UNC13C: variants seen among roughly 807,000 people sequenced by gnomAD.
UNC13C encodes the protein unc-13 homolog C, also known as protein unc-13 homolog C.
UNC13C carries 174 observed loss-of-function variants against 245.4 expected under a neutral mutation model. The ratio of observed to expected loss-of-function variants is 0.71; its 90% CI spans 0.63 to 0.80. UNC13C has a LOEUF of 0.80. Ranked by LOEUF, UNC13C falls within the 30% of genes least tolerant of loss-of-function variation. The pLI is 0.00. For missense variants in UNC13C, 2,829 were observed against 2,602.9 expected (o/e 1.09, Z -1.89); for synonymous variants, 992 against 895.1 (o/e 1.11, Z -1.93).
intron 1 of UNC13C, among the ~76,000 whole-genome samples, chr15:53,985,701 G>A (rs1894109392): frequency 6.6e-6 from 1 of 152,042 alleles, no homozygotes; most frequent in South Asian, 2.1e-4. Flanking sequence ...ATTTTTATTA[G>A]TAGGGGAGCT....
intron 19 of UNC13C, among the ~76,000 whole-genome samples, chr15:54,480,304 TTTTCTATTCCATTGGC>T (rs1325053733): frequency 2.0e-5 from 3 of 151,482 alleles, no homozygotes. Context: ...TATAAAATGG[TTTTCTATTCCATTGGC>T]TTTCTTCTCA....
At chr15:54,525,713 T>A in intron 25 of UNC13C, 76 bp downstream of exon 25, 1 of 1,227,988 alleles carries the variant, frequency 8.1e-7, no homozygotes, top group Non-Finnish European at 1.2e-6. Context: ...TTCAATGCTG[T>A]TTCCTCTGAC....
At chr15:53,848,230 C>T in the UNC13C span, among the ~76,000 whole-genome samples, 1 of 151,638 alleles carries the variant, frequency 6.6e-6, no homozygotes, top group Admixed American at 6.6e-5. Flanking sequence ...TTATATTTTT[C>T]TTTCTATTTG....
chr15:54,139,998 T>C (rs887170119), intron 2 of UNC13C, among the ~76,000 whole-genome samples: 1 of 152,148 alleles, frequency 6.6e-6, no homozygotes, highest in Admixed American at 6.5e-5. Context: ...TTCTTGAGTA[T>C]AAGGGTTTCT....
Position 54,014,710 on chromosome 15 carries a change from G to C in UNC13C, c.1807G>C (p.Asp603His). 6.2e-7 allele frequency: 1 copy of C among 1,613,806 alleles called. No individual in the cohort carries two copies. The highest frequency in any genetic ancestry group is 8.5e-7 in the Non-Finnish European group (1 of 1,179,840). ...AGCGACCCTGTATGACAGTCCCAAGGACCAGCATTTGAATGGAGGTGTTCA... is the reference window on the plus strand; with the variant it reads ...AGCGACCCTGTATGACAGTCCCAAGCACCAGCATTTGAATGGAGGTGTTCA... ...GTATLYDSPK[D>H]QHLNGGVQGI... is the part of the protein sequence containing the mutation. The change falls in exon 2 of 33, where the codon GAC becomes CAC. Residue 603 changes from aspartate (D) to histidine (H), a missense_variant. Asp to His is a moderately conservative substitution (Grantham distance 81). Transcript: ENST00000260323.
intron 17 of UNC13C, among the ~76,000 whole-genome samples, chr15:54,339,143 T>G (rs11638939): frequency 6.6e-6 from 1 of 152,048 alleles, no homozygotes; most frequent in African/African-American, 2.4e-5. Context: ...GCTGGGATTA[T>G]AGGCATGAGC....
At chr15:53,927,501 G>A in the UNC13C span, among the ~76,000 whole-genome samples, 1 of 152,166 alleles carries the variant, frequency 6.6e-6, no homozygotes, top group African/African-American at 2.4e-5. Flanking sequence ...GGGAGAAGGA[G>A]CTAAACATCT....
intron 4 of UNC13C, among the ~76,000 whole-genome samples, chr15:54,214,068 C>T (rs964773822): frequency 5.3e-5 from 8 of 151,802 alleles, no homozygotes; most frequent in Non-Finnish European, 1.2e-4. Flanking sequence ...GGAATCCCTC[C>T]AATACCCATT....
chr15:53,863,192 C>A, the UNC13C span, among the ~76,000 whole-genome samples: 2 of 152,278 alleles, frequency 1.3e-5, no homozygotes, highest in East Asian at 3.9e-4. Context: ...AGGTCCCAAG[C>A]AAGACCAAAG....
intron 8 of UNC13C, among the ~76,000 whole-genome samples, chr15:54,260,289 G>GTTT (rs1267802975): frequency 2.6e-5 from 4 of 152,064 alleles, no homozygotes; most frequent in Non-Finnish European, 5.9e-5. Context: ...CTACAAATCA[G>GTTT]GTTTGGGTTT....
intron 5 of UNC13C, among the ~76,000 whole-genome samples, chr15:54,235,446 A>G (rs887883009): frequency 8.5e-5 from 13 of 152,166 alleles, no homozygotes; most frequent in African/African-American, 2.9e-4. Context: ...AGTTTAATTC[A>G]CAATGCTTGA....
chr15:53,929,871 C>A, the UNC13C span, among the ~76,000 whole-genome samples: 2 of 152,048 alleles, frequency 1.3e-5, no homozygotes, highest in African/African-American at 2.4e-5. Flanking sequence ...AGAATAATAT[C>A]AAAAAGAACA....
At chr15:53,916,314 C>T in the UNC13C span, among the ~76,000 whole-genome samples, 1 of 152,156 alleles carries the variant, frequency 6.6e-6, no homozygotes, top group East Asian at 1.9e-4. Context: ...CCAACATGAT[C>T]CATTTGAGAA....
chr15:53,842,711 A>G, the UNC13C span, among the ~76,000 whole-genome samples: 1 of 152,104 alleles, frequency 6.6e-6, no homozygotes, highest in Non-Finnish European at 1.5e-5. Context: ...GAGCTGAGAG[A>G]GAGATAGAAA....
chr15:54,095,876 A>G (rs1316641112), intron 2 of UNC13C, among the ~76,000 whole-genome samples: 2 of 152,222 alleles, frequency 1.3e-5, no homozygotes, highest in Non-Finnish European at 2.9e-5. Context: ...GAGGGGAAAG[A>G]TTATTTTATG....
chr15:53,982,217 C>T (rs2061747), intron 1 of UNC13C, among the ~76,000 whole-genome samples: 59,591 of 151,898 alleles, frequency 0.39, 12,931 homozygotes, highest in East Asian at 0.56. Context: ...CCAAATCCTG[C>T]GTTCAGGATA....
intron 10 of UNC13C, among the ~76,000 whole-genome samples, chr15:54,280,703 C>CATACATAT (rs1185133692): frequency 1.9e-5 from 1 of 52,306 alleles, no homozygotes; most frequent in Non-Finnish European, 3.2e-5. Context: ...CATATGTATA[C>CATACATAT]ATACATATAT....
At chr15:54,465,797 A>G (rs988655064) in intron 19 of UNC13C, among the ~76,000 whole-genome samples, 2 of 152,044 alleles carry the variant, frequency 1.3e-5, no homozygotes, top group Non-Finnish European at 2.9e-5. Context: ...GAACAAAGAT[A>G]TCAGGTTAAG....
At chr15:53,838,169 G>A in the UNC13C span, among the ~76,000 whole-genome samples, 2 of 151,878 alleles carry the variant, frequency 1.3e-5, no homozygotes, top group East Asian at 1.9e-4. Flanking sequence ...AGTCAATTTG[G>A]GAAGGATCAA....
Sources: gnomAD v4.1 joint callset for allele counts (sites outside exome capture counted in the v4.1 genomes callset) on GRCh38, gnomAD v4.1.1 for gene constraint, MANE v1.5 for transcripts, NCBI Gene and HGNC (gene_info 2026-07-23, HGNC 2026-07-21) for gene names.